Variants in FBXL13 observed in about 807,000 individuals in gnomAD.
The protein encoded by FBXL13 is F-box and leucine-rich repeat protein 13.
FBXL13 carries 67 observed loss-of-function variants against 83.6 expected under a neutral mutation model. That is an observed-to-expected ratio of 0.80 (90% CI 0.66 to 0.98). The LOEUF (loss-of-function observed/expected upper bound fraction) is 0.98. FBXL13 is among the 50% of genes least tolerant of loss of function. The pLI is 0.00. For synonymous variants in FBXL13, 272 were observed against 299.5 expected, an observed-to-expected ratio of 0.91 and a Z score of 0.95; for missense variants, 822 against 866.5, an observed-to-expected ratio of 0.95 and a Z score of 0.64.
intron 11 of FBXL13, among the ~76,000 whole-genome samples, chr7:102,906,182 C>A (rs143102825): frequency 6.6e-6 from 1 of 152,186 alleles, no homozygotes; most frequent in Non-Finnish European, 1.5e-5. Context: ...TCAATTACCT[C>A]CCACAACACA....
rs1001383123 is a variant in FBXL13 at position 102,904,224 on chromosome 7, A to G, written c.1008+8862T>C. ...GATTTCTTCCCTGTTTAATCTTGGT[A>G]GCTTGTATGTGTCTAGGAATTTGTC... On this transcript the variant is annotated intron_variant, in intron 11 of 19. Coordinates refer to ENST00000313221, the Ensembl canonical transcript of FBXL13. Among the ~76,000 whole-genome samples, 9 of 151,916 alleles carry G rather than the reference A, an allele frequency of 5.9e-5. No homozygotes were observed. In the East Asian group the frequency reaches 1.7e-3, roughly 29 times the overall value.
intron 17 of FBXL13, among the ~76,000 whole-genome samples, chr7:102,854,354 C>T (rs975542199): frequency 1.5e-4 from 23 of 151,136 alleles, no homozygotes; most frequent in Non-Finnish European, 2.1e-4. Context: ...GGGAACATCA[C>T]ATTCTGGGGA....
intron 2 of FBXL13, among the ~76,000 whole-genome samples, chr7:103,043,697 A>C (rs1033382146): frequency 1.3e-5 from 2 of 152,022 alleles, no homozygotes; most frequent in African/African-American, 4.8e-5. Context: ...CATTTTTAGT[A>C]AAGACAGGGT....
chr7:102,914,302 A>C (rs1192186040), intron 10 of FBXL13, among the ~76,000 whole-genome samples: 1 of 152,160 alleles, frequency 6.6e-6, no homozygotes, highest in Non-Finnish European at 1.5e-5. Context: ...CGAACTCCTG[A>C]CCTCAGGTGA....
intron 11 of FBXL13, among the ~76,000 whole-genome samples, chr7:102,892,409 AC>A (rs1365182286): frequency 6.6e-6 from 1 of 152,220 alleles, no homozygotes; most frequent in East Asian, 1.9e-4. Context: ...AATTTTAACA[AC>A]CATTTAAATT....
rs80208044 is a variant in FBXL13, at chr7:102,898,840, G to A, written c.1008+14246C>T. 3.7e-3 allele frequency among the ~76,000 whole-genome samples: 567 copies of A among 152,256 alleles called. 5 individuals are homozygous for A. Among genetic ancestry groups the A allele is most frequent in the African/African-American group, 0.013 (560 of 41,564 alleles). ...ACAACTTTCTCTCTTGCACTTCAGT[G>A]ATTTTCTCGAGTAAGGCTCTCCCTA... On this transcript the variant is annotated intron_variant, in intron 11 of 19. Coordinates refer to ENST00000313221, the Ensembl canonical transcript of FBXL13.
chr7:102,926,148 A>G lies in FBXL13; in HGVS notation c.878+126T>C. The G allele has an allele frequency of 5.5e-6, 4 of 722,870 alleles. 1 individual carries two copies. The highest frequency in any genetic ancestry group is 9.0e-6 in the Non-Finnish European group (4 of 443,384). 44.8% of individuals were successfully genotyped at this position (722,870 alleles called of 1,614,324 possible). On this transcript the variant is annotated intron_variant, in intron 10 of 19. Transcript: ENST00000313221. ...ACTTGAAAGCAGCAGACCCCTTATC[A>G]GAAAAGCAGTGCCACAGTGGTGGGG...
chr7:103,056,100 T>C (rs1301979051), intron 1 of FBXL13, among the ~76,000 whole-genome samples: 1 of 152,198 alleles, frequency 6.6e-6, no homozygotes, highest in African/African-American at 2.4e-5. Flanking sequence ...GAACGTATAA[T>C]GTTTGGTTTT....
At chr7:103,036,717 G>T (rs139327528) in intron 2 of FBXL13, among the ~76,000 whole-genome samples, 8 of 152,200 alleles carry the variant, frequency 5.3e-5, no homozygotes, top group Non-Finnish European at 1.0e-4. Flanking sequence ...TCACCATGTT[G>T]CCCAGGCTGC....
chr7:102,951,904 T>C (rs1823484482), intron 8 of FBXL13, among the ~76,000 whole-genome samples: 1 of 152,050 alleles, frequency 6.6e-6, no homozygotes, highest in East Asian at 1.9e-4. Flanking sequence ...TATCCATATT[T>C]ATAGTAGTAT....
chr7:102,897,677 C>A (rs889649344), intron 11 of FBXL13, among the ~76,000 whole-genome samples: 2 of 152,076 alleles, frequency 1.3e-5, no homozygotes. Flanking sequence ...CCCTTGAGTT[C>A]TTTTTCTTTC....
At chr7:102,833,596 C>T (rs201704472) in intron 17 of FBXL13, among the ~76,000 whole-genome samples, 4,301 of 138,180 alleles carry the variant, frequency 0.031, 179 homozygotes, top group East Asian at 0.17. Context: ...CCGGCTAATT[C>T]TTTTTTTTTT....
chr7:103,029,419 C>G lies in FBXL13; in HGVS notation c.1-1G>C. On this transcript the variant is annotated splice_acceptor_variant, in intron 2 of 19. Transcript: ENST00000313221. LOFTEE classifies it low-confidence loss of function (5UTR_SPLICE). ...CTTTTATCATCAATTCCGGAGTCAT[C>G]TAAAGTAAATAAATAATTGAAATAA... is the stretch of plus-strand genomic sequence containing the variant. 6.8e-7 allele frequency: 1 copy of G among 1,464,240 alleles called. No individual in the cohort carries two copies. The allele number at this position is 1,464,240 out of a possible 1,614,324, so 90.7% of individuals were successfully genotyped here. A position where few individuals can be genotyped will look rare whatever the true frequency, so the allele number is the denominator to read the frequency against.
At chr7:102,825,857 T>C (rs1230374759) in intron 18 of FBXL13, among the ~76,000 whole-genome samples, 1 of 152,234 alleles carries the variant, frequency 6.6e-6, no homozygotes, top group Non-Finnish European at 1.5e-5. Context: ...TCTGGCACTA[T>C]TTAATTGTGA....
At chr7:102,994,094 A>G (rs918791853) in intron 6 of FBXL13, among the ~76,000 whole-genome samples, 1 of 152,204 alleles carries the variant, frequency 6.6e-6, no homozygotes, top group Non-Finnish European at 1.5e-5. Context: ...TTGCAAATCT[A>G]TTATACATTA....
At chr7:103,072,784 C>A (rs1290677795) in intron 1 of FBXL13, among the ~76,000 whole-genome samples, 1 of 152,246 alleles carries the variant, frequency 6.6e-6, no homozygotes, top group Non-Finnish European at 1.5e-5. Flanking sequence ...ACTTTCTGTC[C>A]ATGTATCAGT....
chr7:103,060,902 T>C (rs1797837724), intron 1 of FBXL13, among the ~76,000 whole-genome samples: 1 of 152,196 alleles, frequency 6.6e-6, no homozygotes, highest in African/African-American at 2.4e-5. Flanking sequence ...ATCTCACAAA[T>C]GATTGCCATC....
intron 2 of FBXL13, among the ~76,000 whole-genome samples, chr7:103,045,487 T>C (rs1330450137): frequency 1.3e-5 from 2 of 152,344 alleles, no homozygotes; most frequent in Middle Eastern, 3.4e-3. Flanking sequence ...AGTACTTATT[T>C]GGTCTTGAAA....
intron 16 of FBXL13, among the ~76,000 whole-genome samples, chr7:102,860,364 T>C (rs1806629352): frequency 6.6e-6 from 1 of 152,078 alleles, no homozygotes; most frequent in African/African-American, 2.4e-5. Flanking sequence ...AGGAAGGAGA[T>C]TTTGAATCAA....
Sources: allele counts gnomAD v4.1 joint callset (sites outside exome capture counted in the v4.1 genomes callset), GRCh38; gene constraint gnomAD v4.1.1; transcripts MANE v1.5; gene names NCBI Gene and HGNC (gene_info 2026-07-23, HGNC 2026-07-21).